Variants in PLCL2 observed in about 807,000 individuals in gnomAD.
PLCL2 encodes the protein phospholipase C like 2.
A neutral mutation model predicts 79.6 loss-of-function variants in PLCL2; 4 were observed. The observed-to-expected ratio is 0.05, with a 90% CI of 0.02 to 0.11. The LOEUF is 0.11. PLCL2 is among the 10% of genes least tolerant of loss of function. The pLI, the probability that PLCL2 is intolerant of heterozygous loss-of-function variation, is 1.00. For missense variants in PLCL2, 895 were observed against 1,291.0 expected (o/e 0.69, Z 4.70); for synonymous variants, 484 against 457.7 (o/e 1.06, Z -0.73).
intron 5 of PLCL2, among the ~76,000 whole-genome samples, chr3:17,088,317 G>T (rs187349429): frequency 2.8e-3 from 429 of 152,216 alleles, no homozygotes; most frequent in Non-Finnish European, 4.6e-3. Context: ...ACCCACACTG[G>T]GAGGCAGTTC....
At chr3:16,892,921 A>G (rs1696384846) in intron 1 of PLCL2, among the ~76,000 whole-genome samples, 1 of 152,172 alleles carries the variant, frequency 6.6e-6, no homozygotes, top group Non-Finnish European at 1.5e-5. Flanking sequence ...GAACTGCTCC[A>G]TCACCCTCTC....
chr3:16,919,158 A>T (rs1697064949), intron 1 of PLCL2, among the ~76,000 whole-genome samples: 1 of 152,174 alleles, frequency 6.6e-6, no homozygotes, highest in Non-Finnish European at 1.5e-5. Context: ...TAATAATTTA[A>T]TAGGAAATAG....
chr3:16,992,874 A>G (rs778503731), intron 1 of PLCL2, among the ~76,000 whole-genome samples: 7 of 152,198 alleles, frequency 4.6e-5, no homozygotes, highest in Non-Finnish European at 7.3e-5. Context: ...AAAGATACAC[A>G]TGGCTGTTCA....
Position 17,011,656 on chromosome 3 carries a change from A to G in PLCL2, c.2310A>G (p.Lys770=). The G allele has an allele frequency of 6.2e-7, 1 of 1,614,174 alleles. No homozygotes were observed. Residue 770 remains lysine (K), a synonymous_variant, in exon 2 of 6, where the codon AAA becomes AAG. Coordinates refer to ENST00000615277, the MANE Select transcript of PLCL2 (RefSeq NM_001144382.2). This position sits in a 1 kb window ranked among gnomAD's most constrained non-coding sequence, Gnocchi z 7.9. The stretch of plus-strand genomic sequence containing the variant: ...GTGGGCAGAACTTTCCCAAGCCCAA[A>G]GGATCAGGTGCCAAAGGTGATGTGG... ...IISGQNFPKP[K]GSGAKGDVVD...
chr3:17,026,536 G>A (rs1479386031), intron 3 of PLCL2, among the ~76,000 whole-genome samples: 1 of 152,226 alleles, frequency 6.6e-6, no homozygotes, highest in Non-Finnish European at 1.5e-5. Flanking sequence ...ATCAGATGGG[G>A]CCATACCATC....
At chr3:16,936,087 A>G (rs569479034) in intron 1 of PLCL2, among the ~76,000 whole-genome samples, 26 of 152,322 alleles carry the variant, frequency 1.7e-4, no homozygotes, top group African/African-American at 5.5e-4. Flanking sequence ...AACAAGATCA[A>G]AGGTTGTAGA....
intron 1 of PLCL2, among the ~76,000 whole-genome samples, chr3:16,971,624 A>G (rs763081131): frequency 1.5e-4 from 23 of 152,160 alleles, no homozygotes; most frequent in South Asian, 4.1e-4. Context: ...CACTGAATCT[A>G]TAAATTACCT....
intron 1 of PLCL2, among the ~76,000 whole-genome samples, chr3:16,945,893 C>T (rs1259292406): frequency 6.6e-6 from 1 of 152,234 alleles, no homozygotes; most frequent in Non-Finnish European, 1.5e-5. Context: ...GGTTTATTCA[C>T]ATCCTCTCTA....
chr3:16,893,382 T>C (rs1324242161), intron 1 of PLCL2, among the ~76,000 whole-genome samples: 1 of 152,248 alleles, frequency 6.6e-6, no homozygotes, highest in Non-Finnish European at 1.5e-5. Flanking sequence ...TGTCAACTAA[T>C]TATAGAATTT....
chr3:17,014,238 G>C (rs560991506), intron 2 of PLCL2, among the ~76,000 whole-genome samples: 1 of 152,162 alleles, frequency 6.6e-6, no homozygotes, highest in Non-Finnish European at 1.5e-5. Context: ...GAGCCAGCAG[G>C]CATAAATAGA....
chr3:17,069,651 T>G (rs2065044447), intron 5 of PLCL2, among the ~76,000 whole-genome samples: 2 of 152,164 alleles, frequency 1.3e-5, no homozygotes, highest in Non-Finnish European at 2.9e-5. Context: ...CTTTTTAAAT[T>G]TCCTCATTCC....
intron 1 of PLCL2, among the ~76,000 whole-genome samples, chr3:16,993,561 T>A (rs1223936726): frequency 1.3e-5 from 2 of 152,210 alleles, no homozygotes; most frequent in Non-Finnish European, 2.9e-5. Context: ...AGCCTGACTC[T>A]TGGAATAAGG....
At chr3:16,912,526 C>T (rs1696905873) in intron 1 of PLCL2, among the ~76,000 whole-genome samples, 1 of 152,130 alleles carries the variant, frequency 6.6e-6, no homozygotes, top group Non-Finnish European at 1.5e-5. Flanking sequence ...TGTTTCTGCC[C>T]TTGTAACACT....
intron 1 of PLCL2, among the ~76,000 whole-genome samples, chr3:16,971,381 A>C (rs1024293506): frequency 6.6e-6 from 1 of 152,048 alleles, no homozygotes; most frequent in South Asian, 2.1e-4. Flanking sequence ...GTAGATATGC[A>C]GCGTTATTTC....
intron 1 of PLCL2, among the ~76,000 whole-genome samples, chr3:16,939,026 A>G (rs1009368828): frequency 6.6e-6 from 1 of 152,218 alleles, no homozygotes; most frequent in African/African-American, 2.4e-5. Context: ...AAATATAGAG[A>G]TTCCTAGAAA....
intron 1 of PLCL2, among the ~76,000 whole-genome samples, chr3:16,962,095 G>A (rs2063760371): frequency 6.6e-6 from 1 of 152,116 alleles, no homozygotes; most frequent in Admixed American, 6.5e-5. Flanking sequence ...CCCAGGAGTA[G>A]GTCAGAATAG....
At chr3:17,003,399 G>A (rs1433946612) in intron 1 of PLCL2, among the ~76,000 whole-genome samples, 1 of 152,158 alleles carries the variant, frequency 6.6e-6, no homozygotes, top group African/African-American at 2.4e-5. Context: ...TGTGTTTTGT[G>A]TGAAGGAAGC....
At chr3:17,041,960 A>C (rs1451891109) in intron 3 of PLCL2, among the ~76,000 whole-genome samples, 1 of 152,134 alleles carries the variant, frequency 6.6e-6, no homozygotes, top group African/African-American at 2.4e-5. Context: ...AATAAAAAGA[A>C]AAAAAATGAG....
At chr3:17,036,791 A>C (rs1462220671) in intron 3 of PLCL2, among the ~76,000 whole-genome samples, 1 of 152,166 alleles carries the variant, frequency 6.6e-6, no homozygotes, top group African/African-American at 2.4e-5. Context: ...ACTGAAATTT[A>C]TTTTCTCACA....
Sources: gnomAD v4.1 joint callset for allele counts (sites outside exome capture counted in the v4.1 genomes callset) on GRCh38, gnomAD v4.1.1 for gene constraint, Gnocchi (gnomAD v3.1) non-coding constraint, MANE v1.5 for transcripts, NCBI Gene and HGNC (gene_info 2026-07-23, HGNC 2026-07-21) for gene names.